Variants in TCOF1 observed in about 807,000 individuals in gnomAD.
The protein encoded by TCOF1 is treacle protein.
In TCOF1, 33 loss-of-function variants were observed where a neutral mutation model predicts 149.0. The observed-to-expected ratio is 0.22, with a 90% CI of 0.17 to 0.30. The LOEUF (loss-of-function observed/expected upper bound fraction) is 0.30. Ranked by LOEUF, TCOF1 falls within the 10% of genes least tolerant of loss-of-function variation. The pLI is 1.00. For missense variants in TCOF1, 1,728 were observed against 1,840.7 expected, an observed-to-expected ratio of 0.94 and a Z score of 1.12; for synonymous variants, 789 against 738.8, an observed-to-expected ratio of 1.07 and a Z score of -1.10.
In TCOF1 at chr5:150,374,283, C is replaced by A. The variant is rs947046393; in HGVS notation, c.980C>A (p.Ala327Asp). Reference sequence around the variant, plus strand: ...CCCCCTGGGAAGGCAGGGGCTGTAGCCTCCCAGACCAAGGCAGGGAAGCCA... The same window carrying A: ...CCCCCTGGGAAGGCAGGGGCTGTAGACTCCCAGACCAAGGCAGGGAAGCCA... ...PAPPGKAGAV[A>D]SQTKAGKPEE... The change falls in exon 8 of 27, where the codon GCC (alanine) becomes GAC (aspartate). Residue 327 changes from alanine to aspartate, a missense_variant. By Grantham distance (126) the Ala-to-Asp change is moderately radical (BLOSUM62 -2). Coordinates refer to ENST00000643257, the MANE Select transcript of TCOF1 (RefSeq NM_001371623.1). 2 of 1,593,906 alleles carry A rather than the reference C, an allele frequency of 1.3e-6. No homozygotes were observed. The highest frequency in any genetic ancestry group is 1.7e-6 in the Non-Finnish European group (2 of 1,169,870).
chr5:150,372,547 G>C (rs992749027), intron 7 of TCOF1, among the ~76,000 whole-genome samples: 2 of 152,236 alleles, frequency 1.3e-5, no homozygotes, highest in Non-Finnish European at 2.9e-5. Flanking sequence ...ACCCTGAGCA[G>C]GCAAACACTA....
intron 24 of TCOF1, among the ~76,000 whole-genome samples, chr5:150,397,536 G>C (rs982642687): frequency 3.9e-5 from 6 of 152,244 alleles, no homozygotes; most frequent in African/African-American, 1.4e-4. Flanking sequence ...ACTGCGGCTC[G>C]GGCTCGGAGA....
At chr5:150,398,600 C>T in intron 25 of TCOF1, 149 bp downstream of exon 25, 2 of 1,275,140 alleles carry the variant, frequency 1.6e-6, no homozygotes, top group Non-Finnish European at 2.2e-6. Flanking sequence ...AAGAGGCTGG[C>T]AGGGCATGTT....
intron 25 of TCOF1, 110 bp downstream of exon 25, chr5:150,398,561 G>A (rs1769076828): frequency 6.5e-7 from 1 of 1,533,882 alleles, no homozygotes; most frequent in East Asian, 2.3e-5. Flanking sequence ...GGCCCAGTCG[G>A]GGGCGTCAGG....
rs765253484 is a variant in TCOF1 at position 150,368,787 on chromosome 5, C to T, written c.450C>T (p.Asn150=). ...PHPATGKTVA[N]LLSGKSPRKS... is the part of the protein sequence containing the mutation. ...CTGCCACTGGGAAGACGGTGGCCAA[C>T]CTTCTTTCTGGGAAGTCTCCCAGGA... The change falls in exon 5 of 27, where the codon AAC becomes AAT. Residue 150 remains asparagine (N), a synonymous_variant. Coordinates refer to ENST00000643257, the MANE Select transcript of TCOF1 (RefSeq NM_001371623.1). 6.2e-7 allele frequency: 1 copy of T among 1,613,984 alleles called. No individual in the cohort carries two copies. Among genetic ancestry groups the T allele is most frequent in the East Asian group, 2.2e-5 (1 of 44,908 alleles).
intron 22 of TCOF1, 28 bp downstream of exon 22, chr5:150,392,818 C>T: frequency 6.2e-7 from 1 of 1,611,042 alleles, no homozygotes; most frequent in Non-Finnish European, 8.5e-7. Context: ...GACTGGCAGC[C>T]CATAGGCCTT....
At chr5:150,390,442 G>A (rs1004024398) in intron 19 of TCOF1, among the ~76,000 whole-genome samples, 3 of 152,152 alleles carry the variant, frequency 2.0e-5, no homozygotes, top group African/African-American at 4.8e-5. Context: ...CTAAAAGCTG[G>A]GCATTTTAGG....
intron 17 of TCOF1, among the ~76,000 whole-genome samples, chr5:150,385,892 G>C (rs1347467144): frequency 2.0e-5 from 3 of 152,136 alleles, no homozygotes; most frequent in African/African-American, 7.2e-5. Context: ...ACTGACCCCA[G>C]AACTACATTC....
intron 6 of TCOF1, among the ~76,000 whole-genome samples, chr5:150,371,454 G>A (rs1333573118): frequency 1.3e-5 from 2 of 152,184 alleles, no homozygotes; most frequent in Admixed American, 6.5e-5. Context: ...ACCCAGGGCC[G>A]CAAGGGGTCT....
At chr5:150,373,891 G>A (rs1380139357) in intron 7 of TCOF1, among the ~76,000 whole-genome samples, 1 of 152,228 alleles carries the variant, frequency 6.6e-6, no homozygotes, top group Non-Finnish European at 1.5e-5. Flanking sequence ...GGGGAACCAT[G>A]TTAAGGAAGT....
In TCOF1 at chr5:150,374,290, G is replaced by C. The variant is rs1763204513; in HGVS notation, c.987G>C (p.Gln329His). 6.3e-7 allele frequency: 1 copy of C among 1,594,216 alleles called. No homozygotes were observed. The highest frequency in any genetic ancestry group is 8.5e-7 in the Non-Finnish European group (1 of 1,169,622). ...PPGKAGAVAS[Q>H]TKAGKPEEDS... Reference sequence around the variant, plus strand: ...GGAAGGCAGGGGCTGTAGCCTCCCAGACCAAGGCAGGGAAGCCAGAGGAGG... The same window carrying C: ...GGAAGGCAGGGGCTGTAGCCTCCCACACCAAGGCAGGGAAGCCAGAGGAGG... The change falls in exon 8 of 27, where the codon CAG (glutamine) becomes CAC (histidine). Residue 329 changes from glutamine to histidine, a missense_variant. This residue lies in a region of TCOF1 where 1,696 missense variants were observed against 1,765.4 expected (regional missense o/e 0.96). Transcript: ENST00000643257.
intron 14 of TCOF1, among the ~76,000 whole-genome samples, chr5:150,377,129 T>C (rs1333496653): frequency 6.6e-6 from 1 of 152,184 alleles, no homozygotes; most frequent in African/African-American, 2.4e-5. Context: ...GAGGAAGCAG[T>C]CTGTGCGAGG....
chr5:150,385,145 C>A, intron 17 of TCOF1: 1 of 924,614 alleles, frequency 1.1e-6, no homozygotes, highest in Non-Finnish European at 1.3e-6. Context: ...TTATATACCA[C>A]AAATATATGC....
rs1470939619 is a variant in TCOF1 at position 150,396,379 on chromosome 5, C to T, written c.3882C>T (p.Ser1294=). 3.7e-6 allele frequency: 6 copies of T among 1,613,884 alleles called. No individual in the cohort carries two copies. Among genetic ancestry groups the T allele is most frequent in the Non-Finnish European group, 5.1e-6 (6 of 1,180,044 alleles). The change falls in exon 24 of 27, where the codon AGC becomes AGT. Residue 1294 remains serine (S), a synonymous_variant. Transcript: ENST00000643257. ...AAGCCTCAACCCTGGCGCTGCAAAG[C>T]AACATCACCCAGTGCCTCCTGGGCC... ...NPQASTLALQ[S]NITQCLLGQP...
chr5:150,393,462 G>A lies in TCOF1; in HGVS notation c.3694G>A (p.Val1232Ile), dbSNP rs1036194802. ...ATPKLDSSPS[V>I]SSTLAAKDDP... ...TCCCAAGCTAGACTCCAGCCCCTCAGTTTCCTCTACTCTGGCCGCCAAAGA... is the reference window on the plus strand; with the variant it reads ...TCCCAAGCTAGACTCCAGCCCCTCAATTTCCTCTACTCTGGCCGCCAAAGA... Residue 1232 changes from valine to isoleucine, a missense_variant, in exon 23 of 27, where the codon GTT becomes ATT. Coordinates refer to ENST00000643257, the MANE Select transcript of TCOF1 (RefSeq NM_001371623.1). 6 of 1,614,052 alleles carry A rather than the reference G, an allele frequency of 3.7e-6. No individual in the cohort carries two copies. The African/African-American group carries it at 8.0e-5, about 22-fold the overall frequency.
At chr5:150,384,583 CT>C in intron 17 of TCOF1, 3 of 985,504 alleles carry the variant, frequency 3.0e-6, no homozygotes, top group South Asian at 9.4e-5. Flanking sequence ...ACCGCTCCCC[CT>C]TTCTCTGTGG....
At chr5:150,358,118 C>G (rs1759078460) in intron 1 of TCOF1, among the ~76,000 whole-genome samples, 2 of 152,332 alleles carry the variant, frequency 1.3e-5, no homozygotes, top group Admixed American at 1.3e-4. Context: ...GTAATTCCCG[C>G]TTCCCTTACC....
chr5:150,360,057 T>C (rs1759687363), intron 1 of TCOF1, among the ~76,000 whole-genome samples: 1 of 152,196 alleles, frequency 6.6e-6, no homozygotes, highest in Non-Finnish European at 1.5e-5. Context: ...GAGGACACTT[T>C]GCCTGAGGTG....
intron 3 of TCOF1, 57 bp from the exon 4 acceptor site, chr5:150,367,787 C>T: frequency 6.3e-7 from 1 of 1,594,284 alleles, no homozygotes; most frequent in Non-Finnish European, 8.6e-7. Flanking sequence ...ACCTGTTTGC[C>T]ATTCATAGAT....
Sources: allele counts gnomAD v4.1 joint callset (sites outside exome capture counted in the v4.1 genomes callset), GRCh38; gene constraint gnomAD v4.1.1; regional missense constraint gnomAD v4.1.1; transcripts MANE v1.5; gene names NCBI Gene and HGNC (gene_info 2026-07-23, HGNC 2026-07-21).